Variants in GINS4 observed in about 807,000 individuals in gnomAD.
GINS4 encodes the protein GINS complex subunit 4.
GINS4 carries 20 observed loss-of-function variants against 31.1 expected under a neutral mutation model. That is an observed-to-expected ratio of 0.64 (90% confidence interval 0.45 to 0.93). The LOEUF (loss-of-function observed/expected upper bound fraction) is 0.93, where lower values mean the gene tolerates loss of function less well. Among genes scored for constraint, GINS4 ranks in the 40% least tolerant of loss-of-function variants. The pLI is 0.00. For synonymous variants in GINS4, 85 were observed against 97.9 expected (o/e 0.87, Z 0.78); for missense variants, 245 against 273.9 (o/e 0.89, Z 0.75).
Position 41,530,152 on chromosome 8 carries a change from T to A in GINS4, c.-19-32T>A, listed in dbSNP as rs760542637. ...TTCTTGCAGATAATTAGAAAACGCA[T>A]TGCAGAGTATTGGTTCTTTCCCTCT... is the stretch of plus-strand genomic sequence containing the variant. On this transcript the variant is annotated intron_variant, in intron 1 of 7. Coordinates refer to ENST00000276533, the MANE Select transcript of GINS4 (RefSeq NM_032336.3). 2.8e-5 allele frequency: 36 copies of A among 1,290,354 alleles called. No homozygotes were observed. In the South Asian group the frequency reaches 3.8e-4, roughly 13 times the overall value. The allele number at this position is 1,290,354 out of a possible 1,614,324, so 79.9% of individuals were successfully genotyped here.
chr8:41,537,509 A>C, intron 4 of GINS4: 1 of 495,884 alleles, frequency 2.0e-6, no homozygotes, highest in Non-Finnish European at 3.6e-6. Context: ...GACACCGCAC[A>C]CATTTTTAGT....
At chr8:41,534,151 C>T in intron 2 of GINS4, 1 of 245,388 alleles carries the variant, frequency 4.1e-6, no homozygotes. Flanking sequence ...GCCTGTAATC[C>T]CAACACTTCT....
chr8:41,540,392 C>T (rs1239559511), intron 6 of GINS4: 1 of 251,892 alleles, frequency 4.0e-6, no homozygotes, highest in African/African-American at 2.3e-5. Flanking sequence ...TCACAGGTCC[C>T]AGAATGCACA....
At position 41,542,380 on chromosome 8, in the gene GINS4, T is replaced by TAA; in HGVS notation, c.*293_*294insAA. On this transcript the variant is annotated 3_prime_UTR_variant, in exon 8 of 8. Transcript: ENST00000276533. The stretch of plus-strand genomic sequence containing the variant: ...GCCTGGGTGACAGTGAGACTTTGTC[T>TAA]CAAAAAAAAAAACAAAAAACAAAAA... 2.2e-4 allele frequency: 54 copies of TAA among 249,564 alleles called. No individual in the cohort carries two copies. Among genetic ancestry groups the TAA allele is most frequent in the South Asian group, 3.5e-4 (5 of 14,150 alleles). 15.5% of individuals were successfully genotyped at this position (249,564 alleles called of 1,614,324 possible). A position where few individuals can be genotyped will look rare whatever the true frequency, so the allele number is the denominator to read the frequency against.
chr8:41,539,319 CAAAAA>C (rs36097557), intron 4 of GINS4, among the ~76,000 whole-genome samples: 3 of 55,772 alleles, frequency 5.4e-5, no homozygotes, highest in African/African-American at 1.8e-4. Flanking sequence ...GACTCCATCT[CAAAAA>C]AAAAAAAAAA....
intron 2 of GINS4, 74 bp downstream of exon 2, chr8:41,530,372 A>G: frequency 1.8e-6 from 2 of 1,081,510 alleles, no homozygotes; most frequent in Non-Finnish European, 2.8e-6. Context: ...ATCAGGGATC[A>G]CAAGATGAGG....
intron 4 of GINS4, chr8:41,537,845 A>T (rs1472097694): frequency 1.3e-5 from 2 of 152,016 alleles, no homozygotes; most frequent in African/African-American, 2.4e-5. Flanking sequence ...ACAAGGTGAA[A>T]CCCCATTTCT....
chr8:41,539,554 C>G (rs942181062), intron 4 of GINS4, 124 bp from the exon 5 acceptor site: 41 of 724,050 alleles, frequency 5.7e-5, no homozygotes, highest in Non-Finnish European at 9.4e-5. Context: ...TCCACCCACC[C>G]TATCCCACCT....
intron 4 of GINS4, among the ~76,000 whole-genome samples, chr8:41,538,747 CAG>C (rs763284148): frequency 1.3e-5 from 2 of 151,900 alleles, no homozygotes; most frequent in Non-Finnish European, 2.9e-5. Context: ...CTCTGTTGCT[CAG>C]GCTGGAGTGC....
intron 6 of GINS4, among the ~76,000 whole-genome samples, chr8:41,540,865 T>C (rs1186504900): frequency 6.6e-6 from 1 of 152,202 alleles, no homozygotes; most frequent in Non-Finnish European, 1.5e-5. Context: ...CTCACAGTTA[T>C]GGAGACTGGG....
chr8:41,529,946 G>GAT, intron 1 of GINS4: 1 of 443,516 alleles, frequency 2.3e-6, no homozygotes, highest in Non-Finnish European at 4.1e-6. Flanking sequence ...TGGGTGCTCA[G>GAT]CTCTTGGTGG....
chr8:41,536,397 A>T lies in GINS4; in HGVS notation c.134A>T (p.Glu45Val), dbSNP rs752194609. Residue 45 changes from glutamate to valine, a missense_variant, in exon 3 of 8, where the codon GAG (glutamate) becomes GTG (valine). Coordinates refer to ENST00000276533, the MANE Select transcript of GINS4 (RefSeq NM_032336.3). The stretch of plus-strand genomic sequence containing the variant: ...GAAAAGTTTGCCCCTGAGCTGCTGG[A>T]GAGCAAGCCTGAGATTGTAGAATGT... Reference protein sequence around the residue: ...MNEKFAPELLESKPEIVECVM... With the variant: ...MNEKFAPELLVSKPEIVECVM... 3.7e-6 allele frequency: 6 copies of T among 1,612,614 alleles called. No individual in the cohort carries two copies. Among genetic ancestry groups the T allele is most frequent in the Non-Finnish European group, 5.1e-6 (6 of 1,178,680 alleles).
intron 6 of GINS4, 39 bp downstream of exon 6, chr8:41,540,043 C>A: frequency 7.3e-7 from 1 of 1,364,080 alleles, no homozygotes; most frequent in Non-Finnish European, 1.1e-6. Context: ...CCCACCCATC[C>A]TCAGGTGTCC....
chr8:41,537,512 T>G, intron 4 of GINS4: 1 of 479,672 alleles, frequency 2.1e-6, no homozygotes, highest in South Asian at 3.0e-5. Flanking sequence ...ACCGCACACA[T>G]TTTTAGTCTG....
At chr8:41,532,772 G>T (rs1228474007) in intron 2 of GINS4, among the ~76,000 whole-genome samples, 1 of 149,322 alleles carries the variant, frequency 6.7e-6, no homozygotes, top group East Asian at 2.0e-4. Flanking sequence ...GGTGGAGATT[G>T]CAGAGAGCCG....
At chr8:41,538,042 TG>T (rs1445150476) in intron 4 of GINS4, 1 of 151,820 alleles carries the variant, frequency 6.6e-6, no homozygotes, top group Non-Finnish European at 1.5e-5. Context: ...AAAAAGAAAT[TG>T]CAAAACATTC....
At chr8:41,532,424 C>A (rs1806662322) in intron 2 of GINS4, among the ~76,000 whole-genome samples, 1 of 152,190 alleles carries the variant, frequency 6.6e-6, no homozygotes, top group African/African-American at 2.4e-5. Flanking sequence ...AGCGCAGTGG[C>A]TCATGCCTGT....
At chr8:41,532,883 G>A (rs78539858) in intron 2 of GINS4, among the ~76,000 whole-genome samples, 3,416 of 151,498 alleles carry the variant, frequency 0.023, 58 homozygotes, top group Middle Eastern at 0.055. Context: ...ATATACTGCC[G>A]TGGGATATAA....
intron 4 of GINS4, among the ~76,000 whole-genome samples, chr8:41,539,225 C>T (rs1806792331): frequency 7.5e-5 from 11 of 147,112 alleles, no homozygotes; most frequent in Admixed American, 2.8e-4. Context: ...GAGGCTGAGG[C>T]CGGAGAATCA....
Sources: allele counts gnomAD v4.1 joint callset (sites outside exome capture counted in the v4.1 genomes callset), GRCh38; gene constraint gnomAD v4.1.1; transcripts MANE v1.5; gene names NCBI Gene and HGNC (gene_info 2026-07-23, HGNC 2026-07-21).